SYN3: variants seen among roughly 807,000 people sequenced by gnomAD.
SYN3 encodes synapsin III.
In SYN3, 35 loss-of-function variants were observed where a neutral mutation model predicts 65.8. The ratio of observed to expected loss-of-function variants is 0.53; its 90% CI spans 0.41 to 0.70. SYN3 has a LOEUF of 0.70. SYN3 is among the 30% of genes least tolerant of loss of function. The probability of loss-of-function intolerance (pLI) is 0.00; values close to 1 mark genes in which losing one functional copy is unlikely to be tolerated. For synonymous variants in SYN3, 270 were observed against 292.9 expected, an observed-to-expected ratio of 0.92 and a Z score of 0.80; for missense variants, 680 against 749.0, an observed-to-expected ratio of 0.91 and a Z score of 1.08.
intron 7 of SYN3, among the ~76,000 whole-genome samples, chr22:32,568,246 A>C (rs2058700273): frequency 6.6e-6 from 1 of 152,088 alleles, no homozygotes; most frequent in Non-Finnish European, 1.5e-5. Flanking sequence ...ATTCCTACTC[A>C]TTCCTCAAAA....
At chr22:32,902,208 A>T (rs1036082894) in intron 4 of SYN3, among the ~76,000 whole-genome samples, 3 of 152,240 alleles carry the variant, frequency 2.0e-5, no homozygotes, top group Non-Finnish European at 2.9e-5. Context: ...TAAATTCTTA[A>T]GCAAGACAAT....
chr22:33,008,607 C>T (rs1456826662), intron 1 of SYN3, among the ~76,000 whole-genome samples: 3 of 152,054 alleles, frequency 2.0e-5, no homozygotes, highest in Non-Finnish European at 4.4e-5. Flanking sequence ...ATTGCTACTC[C>T]ATTCTCCTGT....
At chr22:33,015,929 C>T (rs1331951095) in intron 1 of SYN3, among the ~76,000 whole-genome samples, 1 of 151,768 alleles carries the variant, frequency 6.6e-6, no homozygotes. Flanking sequence ...GCAACCACCA[C>T]CTCCTACGTT....
At chr22:32,695,675 C>A (rs2060726471) in intron 6 of SYN3, among the ~76,000 whole-genome samples, 1 of 152,206 alleles carries the variant, frequency 6.6e-6, no homozygotes, top group South Asian at 2.1e-4. Context: ...TTCTCTTCCA[C>A]CTCACCTCTA....
intron 6 of SYN3, among the ~76,000 whole-genome samples, chr22:32,819,270 G>A (rs1421846336): frequency 6.6e-6 from 1 of 152,252 alleles, no homozygotes; most frequent in Non-Finnish European, 1.5e-5. Flanking sequence ...AGATCCCCAG[G>A]ACCAAAGGTC....
chr22:32,824,534 C>G (rs1196409792), intron 6 of SYN3, among the ~76,000 whole-genome samples: 1 of 151,528 alleles, frequency 6.6e-6, no homozygotes, highest in East Asian at 1.9e-4. Context: ...AGGAATTGCC[C>G]TTTTAAAATG....
chr22:32,858,815 G>A (rs2048452341), intron 6 of SYN3, among the ~76,000 whole-genome samples: 1 of 152,126 alleles, frequency 6.6e-6, no homozygotes, highest in Admixed American at 6.5e-5. Flanking sequence ...CAAAGTTTAT[G>A]CTCTAACCTT....
At chr22:32,737,087 A>C (rs577072839) in intron 6 of SYN3, among the ~76,000 whole-genome samples, 30 of 152,334 alleles carry the variant, frequency 2.0e-4, no homozygotes, top group African/African-American at 7.2e-4. Context: ...ATGTTCAGTG[A>C]CGGTGTAGAC....
chr22:32,719,129 GGGA>G (rs1237669446), intron 6 of SYN3, among the ~76,000 whole-genome samples: 2 of 152,120 alleles, frequency 1.3e-5, no homozygotes, highest in African/African-American at 4.8e-5. Flanking sequence ...TGAGGTCCTG[GGGA>G]GGAGGGGATC....
At chr22:33,035,636 T>C (rs1360998248) in intron 1 of SYN3, among the ~76,000 whole-genome samples, 2 of 152,198 alleles carry the variant, frequency 1.3e-5, no homozygotes, top group Non-Finnish European at 2.9e-5. Context: ...TGGAGTGCAG[T>C]AGCACGATCA....
chr22:32,997,516 G>T (rs546478475), intron 2 of SYN3, among the ~76,000 whole-genome samples: 1 of 152,198 alleles, frequency 6.6e-6, no homozygotes, highest in Non-Finnish European at 1.5e-5. Flanking sequence ...CCTTGAGCAG[G>T]TGCATGGTTT....
chr22:32,757,039 A>C (rs1474985046), intron 6 of SYN3, among the ~76,000 whole-genome samples: 4 of 126,472 alleles, frequency 3.2e-5, no homozygotes, highest in Non-Finnish European at 6.5e-5. Flanking sequence ...TAATTGACAC[A>C]GTGGTTGCAC....
chr22:32,882,211 G>A (rs1180330808), intron 4 of SYN3, among the ~76,000 whole-genome samples: 3 of 152,056 alleles, frequency 2.0e-5, no homozygotes, highest in Admixed American at 6.6e-5. Flanking sequence ...CCTGCCCATC[G>A]GTCAGGTCAT....
intron 6 of SYN3, among the ~76,000 whole-genome samples, chr22:32,654,806 C>T (rs964165805): frequency 2.6e-5 from 4 of 152,232 alleles, no homozygotes; most frequent in Non-Finnish European, 5.9e-5. Context: ...CTACTCTGGG[C>T]TGGGGCCAGG....
intron 7 of SYN3, among the ~76,000 whole-genome samples, chr22:32,586,988 C>T (rs572766142): frequency 9.9e-5 from 15 of 152,188 alleles, no homozygotes; most frequent in East Asian, 5.8e-4. Flanking sequence ...CTTTGGGAGG[C>T]TGAGGCAGGT....
chr22:32,890,669 C>T (rs544706831), intron 4 of SYN3, among the ~76,000 whole-genome samples: 3 of 152,126 alleles, frequency 2.0e-5, no homozygotes, highest in South Asian at 4.2e-4. Context: ...TGTGAGCCAC[C>T]GCGCCCGGCC....
intron 4 of SYN3, among the ~76,000 whole-genome samples, chr22:32,909,861 G>A (rs920251944): frequency 7.2e-5 from 11 of 152,216 alleles, no homozygotes; most frequent in African/African-American, 2.6e-4. Flanking sequence ...TTCCCGGGTC[G>A]GTCGGCCTGG....
In SYN3 at chr22:33,003,551, C is replaced by A. The variant is rs546251583; in HGVS notation, c.311+2801G>T. ...ATGCAAAGAGACTGGCAGCATTTTG[C>A]CCCGGCCCTAGAGATCTGTGGAACT... On this transcript the variant is annotated intron_variant, in intron 2 of 13. Transcript: ENST00000358763. Among the ~76,000 whole-genome samples the A allele has an allele frequency of 3.3e-5, 5 of 152,274 alleles. No individual in the cohort carries two copies. In the South Asian group the frequency reaches 1.0e-3, roughly 32 times the overall value.
chr22:32,761,753 C>G (rs1269651503), intron 6 of SYN3, among the ~76,000 whole-genome samples: 1 of 152,208 alleles, frequency 6.6e-6, no homozygotes, highest in Non-Finnish European at 1.5e-5. Flanking sequence ...TATTTATTTA[C>G]TTTTCACCCA....
Sources: gnomAD v4.1 joint callset for allele counts (sites outside exome capture counted in the v4.1 genomes callset) on GRCh38, gnomAD v4.1.1 for gene constraint, MANE v1.5 for transcripts, NCBI Gene and HGNC (gene_info 2026-07-23, HGNC 2026-07-21) for gene names.